Variants in MED27 observed in about 807,000 individuals in gnomAD.
The protein encoded by MED27 is mediator of RNA polymerase II transcription subunit 27.
In MED27, 30 loss-of-function variants were observed where a neutral mutation model predicts 38.2. The ratio of observed to expected loss-of-function variants is 0.79; its 90% CI spans 0.59 to 1.07. The LOEUF is 1.07. Ranked by LOEUF, MED27 falls within the 50% of genes least tolerant of loss-of-function variation. The pLI, the probability that MED27 is intolerant of heterozygous loss-of-function variation, is 0.00. For missense variants in MED27, 289 were observed against 397.5 expected (o/e 0.73, Z 2.32); for synonymous variants, 122 against 153.5 (o/e 0.79, Z 1.52).
chr9:132,011,969 T>C (rs1832496319), intron 3 of MED27, among the ~76,000 whole-genome samples: 1 of 149,906 alleles, frequency 6.7e-6, no homozygotes. Flanking sequence ...TTTTTTGGCA[T>C]GAGAACAGTC....
intron 6 of MED27, among the ~76,000 whole-genome samples, chr9:131,874,858 A>G (rs1838901653): frequency 6.6e-6 from 1 of 152,204 alleles, no homozygotes; most frequent in Admixed American, 6.5e-5. Context: ...TTCTGCACCC[A>G]CTTGGTGTGA....
At chr9:132,077,752 A>C (rs902159676) in intron 1 of MED27, among the ~76,000 whole-genome samples, 166 bp from the exon 2 acceptor site, 57 of 152,026 alleles carry the variant, frequency 3.7e-4, no homozygotes, top group Admixed American at 5.9e-4. Flanking sequence ...AAAAAAAAAA[A>C]CCCTAAATGA....
chr9:132,072,190 A>G (rs1833956047), intron 2 of MED27, among the ~76,000 whole-genome samples: 1 of 152,246 alleles, frequency 6.6e-6, no homozygotes, highest in South Asian at 2.1e-4. Context: ...CCTGGTCATT[A>G]TAACTACCAT....
At chr9:132,045,828 A>T (rs1833324865) in intron 2 of MED27, among the ~76,000 whole-genome samples, 1 of 152,182 alleles carries the variant, frequency 6.6e-6, no homozygotes, top group Non-Finnish European at 1.5e-5. Flanking sequence ...GAAGTGAACA[A>T]AATGTTATCT....
intron 3 of MED27, among the ~76,000 whole-genome samples, chr9:131,946,186 T>C (rs1163194397): frequency 6.6e-6 from 1 of 152,208 alleles, no homozygotes; most frequent in African/African-American, 2.4e-5. Flanking sequence ...ATCTTGGCTA[T>C]TGTGAACAAT....
intron 4 of MED27, among the ~76,000 whole-genome samples, chr9:131,934,115 A>G (rs1830639081): frequency 6.6e-6 from 1 of 152,234 alleles, no homozygotes; most frequent in African/African-American, 2.4e-5. Context: ...CACCATACAT[A>G]AAAATCAAAT....
chr9:131,950,748 C>T (rs1264929199), intron 3 of MED27, among the ~76,000 whole-genome samples: 2 of 152,186 alleles, frequency 1.3e-5, no homozygotes, highest in Admixed American at 1.3e-4. Flanking sequence ...ATTCATCAGA[C>T]AATCAACTCC....
intron 6 of MED27, among the ~76,000 whole-genome samples, chr9:131,873,336 C>G (rs1284431862): frequency 1.3e-5 from 2 of 152,160 alleles, no homozygotes; most frequent in East Asian, 3.8e-4. Flanking sequence ...GAGGAGCCAT[C>G]ATTATTTCGA....
chr9:132,034,942 C>A (rs1833042750), intron 2 of MED27, among the ~76,000 whole-genome samples: 2 of 152,184 alleles, frequency 1.3e-5, no homozygotes, highest in South Asian at 4.1e-4. Flanking sequence ...AATCAGTTCA[C>A]CGGACCATAC....
intron 4 of MED27, 73 bp downstream of exon 4, chr9:131,939,308 C>G (rs981000641): frequency 7.7e-6 from 7 of 910,364 alleles, no homozygotes; most frequent in Admixed American, 2.4e-5. Context: ...TCCTACAACA[C>G]AGGACCAGAG....
At chr9:131,892,850 A>T (rs1422858108) in intron 5 of MED27, among the ~76,000 whole-genome samples, 1 of 152,228 alleles carries the variant, frequency 6.6e-6, no homozygotes, top group African/African-American at 2.4e-5. Flanking sequence ...AGAAAAAGGA[A>T]ATCTCCCCTC....
At chr9:132,064,425 A>G (rs551080606) in intron 2 of MED27, among the ~76,000 whole-genome samples, 13 of 152,340 alleles carry the variant, frequency 8.5e-5, no homozygotes, top group African/African-American at 2.6e-4. Context: ...ATCTCAAAGA[A>G]CATGTAGAAA....
intron 6 of MED27, among the ~76,000 whole-genome samples, chr9:131,877,489 T>C (rs989825774): frequency 6.6e-6 from 1 of 152,028 alleles, no homozygotes; most frequent in Non-Finnish European, 1.5e-5. Flanking sequence ...GGCAGGAGAA[T>C]TGCTTGAACT....
intron 4 of MED27, among the ~76,000 whole-genome samples, chr9:131,904,570 G>C (rs4740331): frequency 0.092 from 13,848 of 150,854 alleles, 1,292 homozygotes; most frequent in East Asian, 0.39. Context: ...TGTTGCCCAG[G>C]CTGGCCTTGA....
chr9:132,033,010 T>G (rs1180499228), intron 2 of MED27, among the ~76,000 whole-genome samples: 1 of 152,236 alleles, frequency 6.6e-6, no homozygotes, highest in East Asian at 1.9e-4. Flanking sequence ...TATCCACAAT[T>G]GGTCTGAACC....
intron 6 of MED27, among the ~76,000 whole-genome samples, chr9:131,867,636 C>T (rs566560412): frequency 2.0e-5 from 3 of 152,230 alleles, no homozygotes; most frequent in Admixed American, 6.5e-5. Context: ...TGGGGACCAG[C>T]GGTGCTGGCA....
intron 3 of MED27, among the ~76,000 whole-genome samples, chr9:131,966,383 C>CAAAAATAAAAAAA (rs1831348293): frequency 2.7e-5 from 1 of 36,776 alleles, no homozygotes; most frequent in Non-Finnish European, 4.2e-5. Flanking sequence ...GACCCTGTCA[C>CAAAAATAAAAAAA]AAAAAAAAAA....
chr9:132,012,790 C>T (rs1007546848), intron 3 of MED27, among the ~76,000 whole-genome samples: 1 of 152,080 alleles, frequency 6.6e-6, no homozygotes, highest in Admixed American at 6.5e-5. Context: ...CTTGTTTGGT[C>T]TCCTCCCACC....
chr9:131,987,403 C>G (rs768510287), intron 3 of MED27, among the ~76,000 whole-genome samples: 5 of 152,026 alleles, frequency 3.3e-5, no homozygotes, highest in Non-Finnish European at 7.4e-5. Context: ...AGTAGCAAAG[C>G]GGAGTCATTT....
Sources: allele counts gnomAD v4.1 joint callset (sites outside exome capture counted in the v4.1 genomes callset), GRCh38; gene constraint gnomAD v4.1.1; transcripts MANE v1.5; gene names NCBI Gene and HGNC (gene_info 2026-07-23, HGNC 2026-07-21).